Variants in RAC1 observed in about 807,000 individuals in gnomAD.
RAC1 encodes Rac family small GTPase 1.
Under a neutral mutation model 25.2 loss-of-function variants are expected in RAC1, and 2 were observed. That is an observed-to-expected ratio of 0.08 (90% CI 0.03 to 0.25). The LOEUF (loss-of-function observed/expected upper bound fraction) is 0.25. Among genes scored for constraint, RAC1 ranks in the 10% least tolerant of loss-of-function variants. RAC1 has a pLI of 1.00. For synonymous variants in RAC1, 88 were observed against 94.0 expected, an observed-to-expected ratio of 0.94 and a Z score of 0.37; for missense variants, 50 against 235.7, an observed-to-expected ratio of 0.21 and a Z score of 5.16.
At chr7:6,400,002 G>T in intron 3 of RAC1, 124 bp from the exon 4 acceptor site, 1 of 874,294 alleles carries the variant, frequency 1.1e-6, no homozygotes, top group South Asian at 1.4e-5. Flanking sequence ...GGAAGCGTCT[G>T]ACCACACCAC....
chr7:6,387,531 ATGG>A (rs1191975663), intron 2 of RAC1, among the ~76,000 whole-genome samples: 1 of 152,036 alleles, frequency 6.6e-6, no homozygotes, highest in Non-Finnish European at 1.5e-5. Flanking sequence ...CGAGACCAGC[ATGG>A]TCAACGTGAT....
chr7:6,387,118 TG>T, intron 1 of RAC1, 93 bp from the exon 2 acceptor site: 1 of 833,892 alleles, frequency 1.2e-6, no homozygotes, highest in Non-Finnish European at 1.9e-6. Flanking sequence ...GTATATGCCT[TG>T]ATTTTTTTTC....
chr7:6,387,016 T>G (rs1215405205), intron 1 of RAC1, among the ~76,000 whole-genome samples, 196 bp from the exon 2 acceptor site: 2 of 152,164 alleles, frequency 1.3e-5, no homozygotes, highest in Non-Finnish European at 2.9e-5. Context: ...TCTGAGAAAT[T>G]CTAGTTTGTT....
intron 2 of RAC1, among the ~76,000 whole-genome samples, chr7:6,388,878 C>G (rs1442629011): frequency 6.6e-6 from 1 of 152,010 alleles, no homozygotes; most frequent in Non-Finnish European, 1.5e-5. Flanking sequence ...AAAATCGTGC[C>G]AAATCAAAAG....
intron 3 of RAC1, among the ~76,000 whole-genome samples, chr7:6,396,672 C>T (rs756606178): frequency 8.5e-5 from 13 of 152,188 alleles, no homozygotes; most frequent in Non-Finnish European, 1.3e-4. Flanking sequence ...AAATCTTCAA[C>T]AGTAGCCCAT....
chr7:6,378,752 A>G (rs1015863091), intron 1 of RAC1, among the ~76,000 whole-genome samples: 1 of 151,876 alleles, frequency 6.6e-6, no homozygotes, highest in African/African-American at 2.4e-5. Flanking sequence ...ACTTTCACTT[A>G]GTGGACCTTT....
At chr7:6,398,376 T>C (rs1468263122) in intron 3 of RAC1, among the ~76,000 whole-genome samples, 4 of 152,158 alleles carry the variant, frequency 2.6e-5, no homozygotes, top group African/African-American at 7.2e-5. Flanking sequence ...CTGTTGTAGA[T>C]TCTGGTGGGT....
chr7:6,390,134 G>A (rs1783050589), intron 2 of RAC1, among the ~76,000 whole-genome samples: 2 of 106,380 alleles, frequency 1.9e-5, no homozygotes, highest in Admixed American at 2.7e-4. Context: ...GGGTCTTGCA[G>A]TATTGCCCAG....
intron 3 of RAC1, among the ~76,000 whole-genome samples, chr7:6,396,882 T>G (rs962757786): frequency 1.3e-5 from 2 of 151,866 alleles, no homozygotes; most frequent in Non-Finnish European, 2.9e-5. Context: ...TACAAAAAAT[T>G]AGCCGGGCGT....
rs926992932 is a variant in RAC1, at chr7:6,403,224, C to T, written c.*778C>T. The T allele has an allele frequency of 5.3e-4, 117 of 220,236 alleles. 1 individual carries two copies. The highest frequency in any genetic ancestry group is 6.4e-5 in the Non-Finnish European group (7 of 109,720). 13.6% of individuals were successfully genotyped at this position (220,236 alleles called of 1,614,324 possible). A position where few individuals can be genotyped will look rare whatever the true frequency, so the allele number is the denominator to read the frequency against. On this transcript the variant is annotated 3_prime_UTR_variant, in exon 6 of 6. Transcript: ENST00000348035. ...CATTGTACAAGGAATGAAAGTGTCA[C>T]GGGTAAAAACTCTAAAAGGTTAATT...
At chr7:6,383,291 A>G (rs1002456809) in intron 1 of RAC1, among the ~76,000 whole-genome samples, 9 of 152,356 alleles carry the variant, frequency 5.9e-5, no homozygotes, top group Admixed American at 1.3e-4. Context: ...AGCGTGGACA[A>G]GGAATGAATA....
At chr7:6,393,815 C>T (rs1040771647) in intron 3 of RAC1, among the ~76,000 whole-genome samples, 5 of 152,106 alleles carry the variant, frequency 3.3e-5, no homozygotes, top group East Asian at 1.9e-4. Context: ...GCAAGAGGGG[C>T]GAGCACCCAC....
In RAC1 at chr7:6,403,777, T is replaced by C. The variant is rs904366046; in HGVS notation, c.*1331T>C. The C allele has an allele frequency of 8.5e-5, 18 of 211,666 alleles. No homozygotes were observed. The highest frequency in any genetic ancestry group is 5.3e-4 in the Admixed American group (9 of 16,996). The allele number at this position is 211,666 out of a possible 1,614,324, so 13.1% of individuals were successfully genotyped here. A position where few individuals can be genotyped will look rare whatever the true frequency, so the allele number is the denominator to read the frequency against. ...TTTGGGTCTGTGAGGTTCTGTAAAC[T>C]GTGCTAGTGCTGACGATGTTCTGTA... On this transcript the variant is annotated 3_prime_UTR_variant, in exon 6 of 6. Coordinates refer to ENST00000348035, the MANE Select transcript of RAC1 (RefSeq NM_006908.5).
At chr7:6,378,643 A>G (rs1252222003) in intron 1 of RAC1, among the ~76,000 whole-genome samples, 1 of 152,222 alleles carries the variant, frequency 6.6e-6, no homozygotes, top group Non-Finnish European at 1.5e-5. Flanking sequence ...GCCAAGAAAT[A>G]TTACATAGGG....
chr7:6,388,969 G>A (rs1351391109), intron 2 of RAC1, among the ~76,000 whole-genome samples: 2 of 152,084 alleles, frequency 1.3e-5, no homozygotes, highest in African/African-American at 2.4e-5. Context: ...GGGAGGCCAA[G>A]ACGGAAGGAT....
chr7:6,394,956 G>A (rs961864948), intron 3 of RAC1, among the ~76,000 whole-genome samples: 5 of 152,122 alleles, frequency 3.3e-5, no homozygotes, highest in Admixed American at 6.5e-5. Flanking sequence ...CTGGGTTCAC[G>A]CCATTCTCCT....
At chr7:6,393,932 C>T (rs1355818643) in intron 3 of RAC1, among the ~76,000 whole-genome samples, 5 of 152,172 alleles carry the variant, frequency 3.3e-5, no homozygotes, top group Non-Finnish European at 5.9e-5. Flanking sequence ...TGGAAGGTCT[C>T]ATCCCTTTGA....
chr7:6,384,423 T>A (rs765839635), intron 1 of RAC1, among the ~76,000 whole-genome samples: 3 of 152,190 alleles, frequency 2.0e-5, no homozygotes, highest in Non-Finnish European at 4.4e-5. Context: ...CCAAGTAGGA[T>A]CTAGTCCCCA....
At chr7:6,393,325 C>T (rs1783141380) in intron 3 of RAC1, among the ~76,000 whole-genome samples, 3 of 152,146 alleles carry the variant, frequency 2.0e-5, no homozygotes, top group Non-Finnish European at 4.4e-5. Flanking sequence ...TTTAATAATT[C>T]AGATTGTAAA....
Sources: allele counts gnomAD v4.1 joint callset (sites outside exome capture counted in the v4.1 genomes callset), GRCh38; gene constraint gnomAD v4.1.1; transcripts MANE v1.5; gene names NCBI Gene and HGNC (gene_info 2026-07-23, HGNC 2026-07-21).